The following CC2D2A variants were observed in gnomAD, a reference collection of about 807,000 sequenced individuals.
CC2D2A encodes coiled-coil and C2 domain-containing protein 2A.
Under a neutral mutation model 212.9 loss-of-function variants are expected in CC2D2A, and 155 were observed. The ratio of observed to expected loss-of-function variants is 0.73; its 90% CI spans 0.64 to 0.83. The LOEUF is 0.83. Among genes scored for constraint, CC2D2A ranks in the 40% least tolerant of loss-of-function variants. CC2D2A has a pLI of 0.00. For synonymous variants in CC2D2A, 667 were observed against 686.5 expected, an observed-to-expected ratio of 0.97 and a Z score of 0.44; for missense variants, 1,856 against 1,956.2, an observed-to-expected ratio of 0.95 and a Z score of 0.97.
intron 7 of CC2D2A, among the ~76,000 whole-genome samples, chr4:15,510,978 T>C (rs1221049473): frequency 6.6e-6 from 1 of 152,258 alleles, no homozygotes; most frequent in African/African-American, 2.4e-5. Flanking sequence ...TTTACTGCTA[T>C]AAATATGTAT....
intron 4 of CC2D2A, among the ~76,000 whole-genome samples, chr4:15,485,106 A>T (rs1027637502): frequency 2.0e-5 from 3 of 152,236 alleles, no homozygotes; most frequent in Non-Finnish European, 1.5e-5. Context: ...ATATATTGAA[A>T]AACTGCCATG....
Position 15,560,598 on chromosome 4 carries a change from TAGAAGA to T in CC2D2A, c.2996_3001del (p.Glu999_Glu1000del), listed in dbSNP as rs764874938. On this transcript the variant is annotated inframe_deletion, in exon 23 of 37. Transcript: ENST00000424120. ...TATTTTCTTCTTGCTGATATGATAG[TAGAAGA>T]AGAAGTTCCCAATATCAGGTAAAAA... 5 of 1,474,510 alleles carry T rather than the reference TAGAAGA, an allele frequency of 3.4e-6. No homozygotes were observed. Among genetic ancestry groups the T allele is most frequent in the Non-Finnish European group, 4.7e-6 (5 of 1,071,154 alleles). The allele number at this position is 1,474,510 out of a possible 1,614,324, so 91.3% of individuals were successfully genotyped here. A position where few individuals can be genotyped will look rare whatever the true frequency, so the allele number is the denominator to read the frequency against.
chr4:15,531,595 T>C (rs1717852302), intron 13 of CC2D2A, among the ~76,000 whole-genome samples: 1 of 152,244 alleles, frequency 6.6e-6, no homozygotes, highest in South Asian at 2.1e-4. Context: ...CCCATCGATA[T>C]CAGATTTCAG....
intron 31 of CC2D2A, among the ~76,000 whole-genome samples, chr4:15,587,002 T>C (rs1044167899): frequency 1.3e-5 from 2 of 152,240 alleles, no homozygotes; most frequent in African/African-American, 4.8e-5. Flanking sequence ...AAGAAGTTAC[T>C]GAAAGACTAG....
At chr4:15,575,669 T>C (rs13141724) in intron 29 of CC2D2A, among the ~76,000 whole-genome samples, 20,953 of 152,228 alleles carry the variant, frequency 0.14, 1,531 homozygotes, top group Non-Finnish European at 0.15. Flanking sequence ...TTTAAATTAA[T>C]TGTATATTTT....
intron 26 of CC2D2A, among the ~76,000 whole-genome samples, chr4:15,568,530 G>A (rs1720003097): frequency 6.6e-6 from 1 of 152,240 alleles, no homozygotes; most frequent in Non-Finnish European, 1.5e-5. Flanking sequence ...GGAAGTTGCA[G>A]TGAGTCAAGA....
At chr4:15,477,069 G>C (rs1023637955) in intron 2 of CC2D2A, among the ~76,000 whole-genome samples, 11 of 152,150 alleles carry the variant, frequency 7.2e-5, no homozygotes, top group Non-Finnish European at 7.3e-5. Flanking sequence ...TTGGGAGGCC[G>C]AGGCAGGTGG....
intron 30 of CC2D2A, among the ~76,000 whole-genome samples, chr4:15,584,903 C>T (rs539218048): frequency 1.3e-5 from 2 of 152,264 alleles, no homozygotes; most frequent in African/African-American, 4.8e-5. Flanking sequence ...AAATGTTCAA[C>T]ATCACTAATC....
rs116923899 is a variant in CC2D2A at position 15,565,988 on chromosome 4, A to G, written c.3183-1389A>G. ...TTTTCTATGGTACCTGTTGCATTAA[A>G]TGTTCCAATTACCTTTGTCTGAAAC... is the stretch of plus-strand genomic sequence containing the variant. On this transcript the variant is annotated intron_variant, in intron 24 of 36. Coordinates refer to ENST00000424120, the MANE Select transcript of CC2D2A (RefSeq NM_001378615.1). 7.2e-4 allele frequency among the ~76,000 whole-genome samples: 110 copies of G among 152,338 alleles called. 1 individual carries two copies. The East Asian group carries it at 0.02, about 27-fold the overall frequency.
At chr4:15,478,024 G>A (rs968926178) in intron 2 of CC2D2A, among the ~76,000 whole-genome samples, 22 of 152,038 alleles carry the variant, frequency 1.4e-4, no homozygotes, top group Non-Finnish European at 2.8e-4. Context: ...GCAACTTTTT[G>A]TTCACCCAGG....
At chr4:15,491,898 T>C (rs1367533273) in intron 4 of CC2D2A, among the ~76,000 whole-genome samples, 1 of 152,208 alleles carries the variant, frequency 6.6e-6, no homozygotes, top group Non-Finnish European at 1.5e-5. Flanking sequence ...TAAACTCAAA[T>C]TTATTATATT....
chr4:15,519,659 A>C (rs921427276), intron 11 of CC2D2A: 4 of 430,740 alleles, frequency 9.3e-6, no homozygotes, highest in Non-Finnish European at 1.8e-5. Context: ...GGTGGAAGAC[A>C]AGGAGGAGCA....
intron 19 of CC2D2A, 88 bp from the exon 20 acceptor site, chr4:15,554,984 T>G: frequency 7.3e-7 from 1 of 1,361,750 alleles, no homozygotes; most frequent in Admixed American, 2.1e-5. Flanking sequence ...AATAGCTTCC[T>G]CAAGTCATGC....
At chr4:15,562,930 G>A (rs1021862486) in intron 23 of CC2D2A, among the ~76,000 whole-genome samples, 1 of 152,244 alleles carries the variant, frequency 6.6e-6, no homozygotes, top group African/African-American at 2.4e-5. Context: ...GAGTAGCTGA[G>A]TCTCTGGGGG....
rs1048424639 is a variant in CC2D2A at position 15,531,576 on chromosome 4, C to T, written c.1467-1617C>T. Among the ~76,000 whole-genome samples, 5 of 152,098 alleles carry T rather than the reference C, an allele frequency of 3.3e-5. No homozygotes were observed. In the East Asian group the frequency reaches 5.8e-4, roughly 18 times the overall value. On this transcript the variant is annotated intron_variant, in intron 13 of 36. Transcript: ENST00000424120. Reference sequence around the variant, plus strand: ...ATTTCTGAGCAGGAGTCCACTGCACCGTCCAGACCCCATCGATATCAGATT... The same window carrying T: ...ATTTCTGAGCAGGAGTCCACTGCACTGTCCAGACCCCATCGATATCAGATT...
At chr4:15,482,094 A>T (rs1403522813) in intron 4 of CC2D2A, 2 of 985,358 alleles carry the variant, frequency 2.0e-6, no homozygotes, top group Non-Finnish European at 2.4e-6. Flanking sequence ...TAATTGTTAC[A>T]TAATTGTTAG....
chr4:15,478,860 C>T, intron 3 of CC2D2A, 54 bp downstream of exon 3: 1 of 1,372,150 alleles, frequency 7.3e-7, no homozygotes, highest in Admixed American at 2.0e-5. Flanking sequence ...AACAACCCGC[C>T]TGCATCCCCA....
chr4:15,510,630 C>T (rs1342670435), intron 7 of CC2D2A, among the ~76,000 whole-genome samples: 2 of 152,064 alleles, frequency 1.3e-5, no homozygotes, highest in Non-Finnish European at 1.5e-5. Flanking sequence ...ACATATATAA[C>T]CTGACTCCTG....
At position 15,537,096 on chromosome 4, in the gene CC2D2A, G is replaced by A; in HGVS notation, c.1764+20G>A. On this transcript the variant is annotated intron_variant, in intron 15 of 36. Coordinates refer to ENST00000424120, the MANE Select transcript of CC2D2A (RefSeq NM_001378615.1). Reference sequence around the variant, plus strand: ...GTGCAAGTGTGTAAACAAACACTCAGCCTGGAATAGGGCTGGCCAGGAAGT... The same window carrying A: ...GTGCAAGTGTGTAAACAAACACTCAACCTGGAATAGGGCTGGCCAGGAAGT... The A allele has an allele frequency of 6.2e-7, 1 of 1,610,904 alleles. No individual in the cohort carries two copies. Among genetic ancestry groups the A allele is most frequent in the South Asian group, 1.1e-5 (1 of 90,442 alleles).
Sources: allele counts gnomAD v4.1 joint callset (sites outside exome capture counted in the v4.1 genomes callset), GRCh38; gene constraint gnomAD v4.1.1; transcripts MANE v1.5; gene names NCBI Gene and HGNC (gene_info 2026-07-23, HGNC 2026-07-21).